ADAM23: variants seen among roughly 807,000 people sequenced by gnomAD.
The protein encoded by ADAM23 is disintegrin and metalloproteinase domain-containing protein 23.
ADAM23 carries 33 observed loss-of-function variants against 120.1 expected under a neutral mutation model. The ratio of observed to expected loss-of-function variants is 0.27; its 90% CI spans 0.21 to 0.37. The LOEUF is 0.37. Ranked by LOEUF, ADAM23 falls within the 10% of genes least tolerant of loss-of-function variation. The pLI, the probability that ADAM23 is intolerant of heterozygous loss-of-function variation, is 1.00. For synonymous variants in ADAM23, 367 were observed against 375.2 expected (o/e 0.98, Z 0.25); for missense variants, 862 against 1,058.2 (o/e 0.81, Z 2.57).
At chr2:206,469,922 A>T (rs544452863) in intron 2 of ADAM23, among the ~76,000 whole-genome samples, 14 of 151,914 alleles carry the variant, frequency 9.2e-5, no homozygotes, top group African/African-American at 3.1e-4. Flanking sequence ...CTTTTCAAAG[A>T]CTCCTTCTTT....
chr2:206,445,545 GC>G, intron 2 of ADAM23, 21 bp downstream of exon 2: 1 of 1,586,270 alleles, frequency 6.3e-7, no homozygotes, highest in Non-Finnish European at 8.6e-7. Context: ...GGCTGGCTAT[GC>G]AAAAGTAACT....
intron 2 of ADAM23, among the ~76,000 whole-genome samples, chr2:206,478,711 A>T (rs772240629): frequency 6.6e-6 from 1 of 152,212 alleles, no homozygotes; most frequent in African/African-American, 2.4e-5. Flanking sequence ...TTGACATTTC[A>T]TCTGAAAACC....
chr2:206,445,210 A>G (rs1197976326), intron 1 of ADAM23, 97 bp from the exon 2 acceptor site: 1 of 873,768 alleles, frequency 1.1e-6, no homozygotes, highest in East Asian at 2.6e-5. Flanking sequence ...AAATTAAAGG[A>G]AAAATGCATT....
chr2:206,545,924 G>A (rs1697388057), intron 6 of ADAM23, among the ~76,000 whole-genome samples: 1 of 152,144 alleles, frequency 6.6e-6, no homozygotes, highest in Admixed American at 6.5e-5. Flanking sequence ...AAGCCTTAGA[G>A]TTTTTTAAAT....
At chr2:206,467,783 C>T (rs753660128) in intron 2 of ADAM23, among the ~76,000 whole-genome samples, 6 of 152,316 alleles carry the variant, frequency 3.9e-5, no homozygotes, top group East Asian at 3.9e-4. Context: ...ATGAGGGCTC[C>T]GCCCCTGAAG....
intron 18 of ADAM23, among the ~76,000 whole-genome samples, chr2:206,575,221 T>C (rs1313206194): frequency 6.6e-6 from 1 of 152,088 alleles, no homozygotes; most frequent in Non-Finnish European, 1.5e-5. Flanking sequence ...AGCTGGAGAA[T>C]AGTAGAAACA....
At chr2:206,524,836 A>G (rs1183148775) in intron 3 of ADAM23, among the ~76,000 whole-genome samples, 1 of 152,218 alleles carries the variant, frequency 6.6e-6, no homozygotes, top group African/African-American at 2.4e-5. Context: ...GGACACAGCC[A>G]AACTGTATCA....
chr2:206,491,154 C>T (rs1194004715), intron 3 of ADAM23, among the ~76,000 whole-genome samples: 2 of 152,002 alleles, frequency 1.3e-5, no homozygotes, highest in Admixed American at 1.3e-4. Context: ...TGCCCTCTGC[C>T]TGCCCCTACC....
At chr2:206,611,383 G>A (rs1698824139) in intron 25 of ADAM23, among the ~76,000 whole-genome samples, 1 of 152,094 alleles carries the variant, frequency 6.6e-6, no homozygotes, top group Admixed American at 6.5e-5. Flanking sequence ...CACGCATGTG[G>A]CATCTAGTAA....
chr2:206,496,365 C>T (rs1255843493), intron 3 of ADAM23, among the ~76,000 whole-genome samples: 1 of 152,144 alleles, frequency 6.6e-6, no homozygotes, highest in Non-Finnish European at 1.5e-5. Flanking sequence ...AACCGCTCAA[C>T]TACATGGAAA....
intron 3 of ADAM23, among the ~76,000 whole-genome samples, chr2:206,521,296 G>A (rs1696838067): frequency 6.6e-6 from 1 of 152,048 alleles, no homozygotes; most frequent in Admixed American, 6.6e-5. Flanking sequence ...TTGAGTTTAG[G>A]GGATGTAGGG....
At chr2:206,616,380 T>C (rs1385919965) in intron 25 of ADAM23, among the ~76,000 whole-genome samples, 3 of 152,218 alleles carry the variant, frequency 2.0e-5, no homozygotes, top group Non-Finnish European at 4.4e-5. Flanking sequence ...GGTTACCTGC[T>C]AGGCCAATGA....
At chr2:206,563,889 C>G (rs560216048) in intron 13 of ADAM23, among the ~76,000 whole-genome samples, 1 of 151,980 alleles carries the variant, frequency 6.6e-6, no homozygotes, top group East Asian at 1.9e-4. Flanking sequence ...ACCACCACAC[C>G]CGGCTAATTT....
In ADAM23 at chr2:206,592,651, C is replaced by G. The variant is rs367718072; in HGVS notation, c.1993C>G (p.Leu665Val). Residue 665 changes from leucine (L) to valine (V), a missense_variant, in exon 22 of 26, where the codon CTT becomes GTT. Leu to Val is a conservative substitution (Grantham distance 32). Around this residue, in one of 4 missense-constraint regions of ADAM23, gnomAD observed 617 missense variants for 813.5 expected, o/e 0.76. Coordinates refer to ENST00000264377, the MANE Select transcript of ADAM23 (RefSeq NM_003812.4). ...VFCGFLLCTN[L>V]TRAPRIGQLQ... ...CTGTGGATTCTTACTCTGTACCAATCTTACTCGAGCTCCACGTATTGGTCA... is the reference window on the plus strand; with the variant it reads ...CTGTGGATTCTTACTCTGTACCAATGTTACTCGAGCTCCACGTATTGGTCA... 1.9e-5 allele frequency: 31 copies of G among 1,613,690 alleles called. No homozygotes were observed. The highest frequency in any genetic ancestry group is 2.5e-5 in the Non-Finnish European group (29 of 1,179,874).
chr2:206,557,455 A>G lies in ADAM23; in HGVS notation c.962A>G (p.His321Arg), dbSNP rs773392897. ...TYKKHRSSHAHTNNFAKSVVN... is the reference protein window; with the variant it reads ...TYKKHRSSHARTNNFAKSVVN... ...AAGAAGCATCGCTCTTCTCATGCAC[A>G]TACCAACAACTTTGCAAAGTCCGTG... is the stretch of plus-strand genomic sequence containing the variant. The change falls in exon 10 of 26, where the codon CAT (histidine) becomes CGT (arginine). Residue 321 changes from histidine to arginine, a missense_variant. This residue lies in a region of ADAM23 where 617 missense variants were observed against 813.5 expected (regional missense o/e 0.76). Coordinates refer to ENST00000264377, the MANE Select transcript of ADAM23 (RefSeq NM_003812.4). 6.2e-7 allele frequency: 1 copy of G among 1,614,006 alleles called. No homozygotes were observed. The highest frequency in any genetic ancestry group is 8.5e-7 in the Non-Finnish European group (1 of 1,179,876).
intron 4 of ADAM23, among the ~76,000 whole-genome samples, chr2:206,536,275 C>A (rs186860423): frequency 6.6e-6 from 1 of 152,228 alleles, no homozygotes; most frequent in Non-Finnish European, 1.5e-5. Context: ...GAAAAATATT[C>A]TGTGACCTCA....
intron 23 of ADAM23, among the ~76,000 whole-genome samples, chr2:206,595,750 T>C (rs1355536594): frequency 2.6e-5 from 4 of 152,176 alleles, no homozygotes; most frequent in African/African-American, 9.7e-5. Flanking sequence ...AATATCATGA[T>C]TCAATTTAAT....
chr2:206,476,753 A>G (rs1338530235), intron 2 of ADAM23, among the ~76,000 whole-genome samples: 5 of 152,168 alleles, frequency 3.3e-5, no homozygotes, highest in Non-Finnish European at 7.4e-5. Context: ...TCCATAGTGT[A>G]GGCACTCAGT....
intron 15 of ADAM23, among the ~76,000 whole-genome samples, chr2:206,569,023 A>G (rs993740349): frequency 1.3e-5 from 2 of 152,204 alleles, no homozygotes; most frequent in Admixed American, 6.5e-5. Flanking sequence ...GTTGATTTCA[A>G]TGCAACAGAA....
Sources: allele counts gnomAD v4.1 joint callset (sites outside exome capture counted in the v4.1 genomes callset), GRCh38; gene constraint gnomAD v4.1.1; regional missense constraint gnomAD v4.1.1; transcripts MANE v1.5; gene names NCBI Gene and HGNC (gene_info 2026-07-23, HGNC 2026-07-21).